Variants in SH3GL3 observed in about 807,000 individuals in gnomAD.
SH3GL3 encodes endophilin-A3.
A neutral mutation model predicts 47.7 loss-of-function variants in SH3GL3; 33 were observed. That is an observed-to-expected ratio of 0.69 (90% CI 0.52 to 0.92). SH3GL3 has a LOEUF of 0.92. Ranked by LOEUF, SH3GL3 falls within the 40% of genes least tolerant of loss-of-function variation. The probability of loss-of-function intolerance (pLI) is 0.00; values close to 1 mark genes in which losing one functional copy is unlikely to be tolerated. For synonymous variants in SH3GL3, 155 were observed against 148.8 expected (o/e 1.04, Z -0.30); for missense variants, 363 against 417.8 (o/e 0.87, Z 1.14).
chr15:83,485,551 A>G (rs1004778190), intron 1 of SH3GL3, among the ~76,000 whole-genome samples: 1 of 152,230 alleles, frequency 6.6e-6, no homozygotes, highest in East Asian at 1.9e-4. Context: ...CAGCATGATC[A>G]TGGCTCCCTG....
the SH3GL3 span, among the ~76,000 whole-genome samples, chr15:83,630,155 G>A: frequency 2.0e-5 from 3 of 152,178 alleles, no homozygotes; most frequent in African/African-American, 4.8e-5. Context: ...CGCCGTGATT[G>A]TGAGGCCTTC....
intron 8 of SH3GL3, among the ~76,000 whole-genome samples, chr15:83,601,573 T>A (rs912044416): frequency 6.6e-6 from 1 of 152,224 alleles, no homozygotes; most frequent in Non-Finnish European, 1.5e-5. Flanking sequence ...ATTATCTTTT[T>A]GATATGCTAT....
chr15:83,510,436 T>C (rs933820843), intron 1 of SH3GL3, among the ~76,000 whole-genome samples: 1 of 152,216 alleles, frequency 6.6e-6, no homozygotes, highest in Non-Finnish European at 1.5e-5. Flanking sequence ...TCTAACCTAG[T>C]GGCCTAAATA....
chr15:83,571,415 T>C (rs1235840496), intron 4 of SH3GL3, among the ~76,000 whole-genome samples: 1 of 152,144 alleles, frequency 6.6e-6, no homozygotes, highest in Non-Finnish European at 1.5e-5. Context: ...CATTTCGTCT[T>C]CATTTAGGAA....
At chr15:83,554,146 G>A (rs1225068906) in intron 1 of SH3GL3, among the ~76,000 whole-genome samples, 2 of 150,500 alleles carry the variant, frequency 1.3e-5, no homozygotes, top group Non-Finnish European at 2.9e-5. Flanking sequence ...TCCCACCTCA[G>A]TCTTCTGAGT....
At chr15:83,485,462 T>C (rs926981307) in intron 1 of SH3GL3, among the ~76,000 whole-genome samples, 3 of 152,158 alleles carry the variant, frequency 2.0e-5, no homozygotes, top group African/African-American at 7.2e-5. Flanking sequence ...TTTTTTAGCA[T>C]TGTAAAGTGT....
At chr15:83,490,599 G>T (rs2041834418) in intron 1 of SH3GL3, among the ~76,000 whole-genome samples, 1 of 152,044 alleles carries the variant, frequency 6.6e-6, no homozygotes, top group African/African-American at 2.4e-5. Flanking sequence ...GTCACAGTTG[G>T]CCCCCCTACA....
chr15:83,547,348 G>A, intron 1 of SH3GL3, among the ~76,000 whole-genome samples: 1 of 152,134 alleles, frequency 6.6e-6, no homozygotes, highest in East Asian at 1.9e-4. Context: ...ACTGTGACAG[G>A]GCAGCACTGA....
At chr15:83,474,833 G>T (rs1216194233) in intron 1 of SH3GL3, among the ~76,000 whole-genome samples, 2 of 152,172 alleles carry the variant, frequency 1.3e-5, no homozygotes, top group Non-Finnish European at 2.9e-5. Context: ...GATAAGGACA[G>T]AAAGCTGTCA....
rs573679477 is a variant in SH3GL3 at position 83,610,332 on chromosome 15, T to G, written c.839-7750T>G. Among the ~76,000 whole-genome samples, 6 of 152,112 alleles carry G rather than the reference T, an allele frequency of 3.9e-5. No homozygotes were observed. The South Asian group carries it at 1.2e-3, about 32-fold the overall frequency. On this transcript the variant is annotated intron_variant, in intron 8 of 8. Transcript: ENST00000427482. Reference sequence around the variant, plus strand: ...CAGGAGGATCACTTAAGCCCTGAAGTTTGAGACCAGCCTGGGCAACATAGT... The same window carrying G: ...CAGGAGGATCACTTAAGCCCTGAAGGTTGAGACCAGCCTGGGCAACATAGT...
rs780388398 is a variant in SH3GL3, at chr15:83,576,610, C to T, written c.493C>T (p.Arg165Cys). Reference protein sequence around the residue: ...GHHLKKLEGRRLDYDYKKKRV... With the variant: ...GHHLKKLEGRCLDYDYKKKRV... ...TCACCTGAAAAAGCTGGAAGGCCGCCGCCTGGATTACGATTATAAAAAGAA... is the reference window on the plus strand; with the variant it reads ...TCACCTGAAAAAGCTGGAAGGCCGCTGCCTGGATTACGATTATAAAAAGAA... The change falls in exon 6 of 9, where the codon CGC (arginine) becomes TGC (cysteine). Residue 165 changes from arginine to cysteine, a missense_variant. Coordinates refer to ENST00000427482, the MANE Select transcript of SH3GL3 (RefSeq NM_003027.5). The T allele has an allele frequency of 7.5e-6, 12 of 1,610,418 alleles. No homozygotes were observed. The highest frequency in any genetic ancestry group is 2.2e-5 in the South Asian group (2 of 90,478).
chr15:83,631,702 G>T, the SH3GL3 span, among the ~76,000 whole-genome samples: 6 of 152,324 alleles, frequency 3.9e-5, no homozygotes, highest in Admixed American at 3.9e-4. Context: ...GCATAGAGCC[G>T]GTTGGGGGCC....
At chr15:83,534,786 A>G (rs976465542) in intron 1 of SH3GL3, among the ~76,000 whole-genome samples, 6 of 152,208 alleles carry the variant, frequency 3.9e-5, no homozygotes, top group African/African-American at 1.4e-4. Context: ...CTCAAATACC[A>G]TACTTAGCTT....
At chr15:83,596,747 C>T (rs186632048) in intron 8 of SH3GL3, among the ~76,000 whole-genome samples, 2 of 152,190 alleles carry the variant, frequency 1.3e-5, no homozygotes, top group East Asian at 3.9e-4. Flanking sequence ...GGATTATAGG[C>T]GTGAGCCACT....
intron 8 of SH3GL3, among the ~76,000 whole-genome samples, chr15:83,591,606 G>T (rs1382033006): frequency 1.6e-4 from 24 of 152,010 alleles, no homozygotes. Flanking sequence ...GAAAACATGG[G>T]CAGGCCCCAT....
Position 83,448,758 on chromosome 15 carries a change from A to G in SH3GL3, c.45+1180A>G, listed in dbSNP as rs1187642057. ...ATTCTCTTCTTCTAGCCCCAGTTCCAGGCTGAAAGGCACTGCTGTCCCCTC... is the reference window on the plus strand; with the variant it reads ...ATTCTCTTCTTCTAGCCCCAGTTCCGGGCTGAAAGGCACTGCTGTCCCCTC... On this transcript the variant is annotated intron_variant, in intron 1 of 8. Coordinates refer to ENST00000427482, the MANE Select transcript of SH3GL3 (RefSeq NM_003027.5). The surrounding 1 kb of genome is among the most constrained non-coding windows in gnomAD (Gnocchi z 4.2). Among the ~76,000 whole-genome samples, 1 of 152,036 alleles carries G rather than the reference A, an allele frequency of 6.6e-6. No homozygotes were observed. The highest frequency in any genetic ancestry group is 1.5e-5 in the Non-Finnish European group (1 of 67,992).
intron 1 of SH3GL3, among the ~76,000 whole-genome samples, chr15:83,510,148 C>G (rs1323374239): frequency 6.6e-6 from 1 of 151,924 alleles, no homozygotes; most frequent in Non-Finnish European, 1.5e-5. Flanking sequence ...GTGCCATCAT[C>G]AGACAACTTC....
At chr15:83,560,995 T>C (rs867075757) in intron 2 of SH3GL3, among the ~76,000 whole-genome samples, 56 of 152,216 alleles carry the variant, frequency 3.7e-4, no homozygotes, top group African/African-American at 1.2e-3. Context: ...ATTTTTAAGG[T>C]AGAAACTGTC....
chr15:83,576,640 G>T lies in SH3GL3; in HGVS notation c.523G>T (p.Val175Leu). Reference sequence around the variant, plus strand: ...GGATTACGATTATAAAAAGAAACGAGTAGGTAAGATACCAGACGAAGAAGT... The same window carrying T: ...GGATTACGATTATAAAAAGAAACGATTAGGTAAGATACCAGACGAAGAAGT... The part of the protein sequence containing the change: ...RLDYDYKKKR[V>L]GKIPDEEVRQ... Residue 175 changes from valine (V) to leucine (L), a missense_variant, in exon 6 of 9, where the codon GTA becomes TTA. By Grantham distance (32) the Val-to-Leu change is conservative. Transcript: ENST00000427482. The T allele has an allele frequency of 6.2e-7, 1 of 1,613,548 alleles. No homozygotes were observed. Among genetic ancestry groups the T allele is most frequent in the Non-Finnish European group, 8.5e-7 (1 of 1,179,700 alleles).
Sources: allele counts gnomAD v4.1 joint callset (sites outside exome capture counted in the v4.1 genomes callset), GRCh38; gene constraint gnomAD v4.1.1; non-coding constraint Gnocchi (gnomAD v3.1); transcripts MANE v1.5; gene names NCBI Gene and HGNC (gene_info 2026-07-23, HGNC 2026-07-21).